Variants in BMP5 observed in about 807,000 individuals in gnomAD.
BMP5 encodes bone morphogenetic protein 5.
In BMP5, 23 loss-of-function variants were observed where a neutral mutation model predicts 46.6. That is an observed-to-expected ratio of 0.49 (90% CI 0.35 to 0.70). BMP5 has a LOEUF of 0.70. Ranked by LOEUF, BMP5 falls within the 30% of genes least tolerant of loss-of-function variation. BMP5 has a pLI of 0.00. For missense variants in BMP5, 545 were observed against 565.6 expected (o/e 0.96, Z 0.37); for synonymous variants, 204 against 191.9 (o/e 1.06, Z -0.52).
intron 1 of BMP5, 113 bp downstream of exon 1, chr6:55,874,263 G>C (rs1200846393): frequency 7.3e-7 from 1 of 1,368,678 alleles, no homozygotes; most frequent in Non-Finnish European, 1.0e-6. Context: ...AAACAGGAGA[G>C]TTAGAGAAAA....
At position 55,796,283 on chromosome 6, in the gene BMP5, G is replaced by A. The variant is rs148765590; in HGVS notation, c.684-1856C>T. Among the ~76,000 whole-genome samples the A allele has an allele frequency of 6.8e-3, 1,031 of 151,938 alleles. 13 individuals carry two copies. The highest frequency in any genetic ancestry group is 0.023 in the African/African-American group (972 of 41,458). On this transcript the variant is annotated intron_variant, in intron 2 of 6. Transcript: ENST00000370830. ...CATGAAAAACAAAAAAGAACAAGGA[G>A]GTAAACTTTCAGAAGCAAAATTAAC...
chr6:55,857,541 T>C (rs1777429197), intron 1 of BMP5, among the ~76,000 whole-genome samples: 1 of 152,156 alleles, frequency 6.6e-6, no homozygotes, highest in African/African-American at 2.4e-5. Flanking sequence ...ATTTAAATAA[T>C]TGCCGATGGC....
Position 55,755,618 on chromosome 6 carries a change from A to T in BMP5, c.1280T>A (p.Ile427Asn). 1 of 1,612,394 alleles carries T rather than the reference A, an allele frequency of 6.2e-7. No homozygotes were observed. The highest frequency in any genetic ancestry group is 1.3e-5 in the African/African-American group (1 of 74,942). The change falls in exon 7 of 7, where the codon ATC becomes AAC. Residue 427 changes from isoleucine (I) to asparagine (N), a missense_variant. Physicochemically the swap from Ile to Asn is moderately radical, Grantham distance 149. Coordinates refer to ENST00000370830, the MANE Select transcript of BMP5 (RefSeq NM_021073.4). Reference sequence around the variant, plus strand: ...GCTGTCATCAAAGTACAGAACAGAGATGGCATTTAATTTGGTTGGAGCACA... The same window carrying T: ...GCTGTCATCAAAGTACAGAACAGAGTTGGCATTTAATTTGGTTGGAGCACA... ...PCCAPTKLNA[I>N]SVLYFDDSSN...
chr6:55,780,481 A>G (rs1199250632), intron 3 of BMP5, among the ~76,000 whole-genome samples: 1 of 145,852 alleles, frequency 6.9e-6, no homozygotes, highest in African/African-American at 2.7e-5. Context: ...AAAGAAAGAA[A>G]GAAAGAAAGA....
At chr6:55,773,147 A>G (rs1241633107) in intron 4 of BMP5, among the ~76,000 whole-genome samples, 1 of 151,986 alleles carries the variant, frequency 6.6e-6, no homozygotes, top group Non-Finnish European at 1.5e-5. Flanking sequence ...CATGCCTGGC[A>G]GAGTGCTATG....
At chr6:55,778,461 T>G (rs747069463) in intron 3 of BMP5, among the ~76,000 whole-genome samples, 1 of 152,070 alleles carries the variant, frequency 6.6e-6, no homozygotes, top group Non-Finnish European at 1.5e-5. Context: ...ACTTGGATTA[T>G]GAAATGAAAG....
chr6:55,817,600 T>C (rs2127537736), intron 2 of BMP5, among the ~76,000 whole-genome samples: 1 of 147,000 alleles, frequency 6.8e-6, no homozygotes, highest in Non-Finnish European at 1.5e-5. Context: ...GGGACTGTTG[T>C]GGGGTGGGAG....
At chr6:55,773,904 A>AT in intron 4 of BMP5, 145 bp downstream of exon 4, 3 of 909,092 alleles carry the variant, frequency 3.3e-6, no homozygotes, top group East Asian at 2.5e-5. Context: ...CTGATGAAAC[A>AT]TTCTGGGATG....
At chr6:55,827,571 A>G (rs1776562566) in intron 1 of BMP5, among the ~76,000 whole-genome samples, 1 of 151,816 alleles carries the variant, frequency 6.6e-6, no homozygotes, top group Admixed American at 6.6e-5. Flanking sequence ...TAAGTCTTAA[A>G]GTCATTAAGT....
chr6:55,819,916 A>G, intron 1 of BMP5, 69 bp from the exon 2 acceptor site: 1 of 1,322,912 alleles, frequency 7.6e-7, no homozygotes, highest in Non-Finnish European at 1.1e-6. Flanking sequence ...TTAATGATAA[A>G]TTCTCCAGCT....
At chr6:55,835,514 T>C (rs972664300) in intron 1 of BMP5, among the ~76,000 whole-genome samples, 2 of 152,182 alleles carry the variant, frequency 1.3e-5, no homozygotes, top group Admixed American at 1.3e-4. Context: ...ACTGAGCACC[T>C]ATTAGGTACA....
intron 3 of BMP5, 83 bp downstream of exon 3, chr6:55,794,196 T>C (rs1033144598): frequency 7.0e-7 from 1 of 1,432,112 alleles, no homozygotes; most frequent in Non-Finnish European, 9.7e-7. Context: ...ATAAAACATA[T>C]ATTGGTTATA....
At chr6:55,767,603 C>T (rs1360643658) in intron 4 of BMP5, among the ~76,000 whole-genome samples, 2 of 151,776 alleles carry the variant, frequency 1.3e-5, no homozygotes, top group Admixed American at 6.6e-5. Context: ...AGCTAGCTAA[C>T]GACATACTAT....
chr6:55,820,137 C>T (rs1246572324), intron 1 of BMP5, among the ~76,000 whole-genome samples: 1 of 152,138 alleles, frequency 6.6e-6, no homozygotes, highest in East Asian at 1.9e-4. Flanking sequence ...AAAATGATTA[C>T]TACTATGTAT....
intron 3 of BMP5, among the ~76,000 whole-genome samples, chr6:55,793,881 A>G (rs1219321819): frequency 2.6e-5 from 4 of 152,158 alleles, no homozygotes; most frequent in Non-Finnish European, 4.4e-5. Flanking sequence ...TAATTTGCAT[A>G]TAGTAATATT....
intron 1 of BMP5, among the ~76,000 whole-genome samples, chr6:55,841,149 C>A (rs944093157): frequency 6.6e-6 from 1 of 152,100 alleles, no homozygotes; most frequent in East Asian, 1.9e-4. Flanking sequence ...AGGTTCATAG[C>A]GAAACCATCC....
intron 4 of BMP5, among the ~76,000 whole-genome samples, chr6:55,761,813 G>T (rs1226734213): frequency 1.3e-5 from 2 of 151,858 alleles, no homozygotes; most frequent in Non-Finnish European, 2.9e-5. Flanking sequence ...CTTCTTGTCT[G>T]TTTCCTCCCA....
chr6:55,818,802 T>G (rs1776338757), intron 2 of BMP5, among the ~76,000 whole-genome samples: 1 of 152,122 alleles, frequency 6.6e-6, no homozygotes, highest in Non-Finnish European at 1.5e-5. Context: ...CTTTAAATAT[T>G]TTTCTAATCA....
intron 3 of BMP5, among the ~76,000 whole-genome samples, chr6:55,792,780 A>G (rs2127528407): frequency 6.6e-6 from 1 of 152,228 alleles, no homozygotes; most frequent in East Asian, 1.9e-4. Flanking sequence ...GCTTTTACTT[A>G]CCTCTGTGGT....
Sources: gnomAD v4.1 joint callset for allele counts (sites outside exome capture counted in the v4.1 genomes callset) on GRCh38, gnomAD v4.1.1 for gene constraint, MANE v1.5 for transcripts, NCBI Gene and HGNC (gene_info 2026-07-23, HGNC 2026-07-21) for gene names.